SCAND1: variants seen among roughly 807,000 people sequenced by gnomAD.
SCAND1 encodes SCAN domain containing 1, also known as SCAN domain-containing protein 1.
A neutral mutation model predicts 3.4 loss-of-function variants in SCAND1; 3 were observed. The ratio of observed to expected loss-of-function variants is 0.87; its 90% CI spans 0.40 to 2.25. The LOEUF is 2.25. Among genes scored for constraint, SCAND1 ranks in the 30% most tolerant of loss-of-function variants. SCAND1 has a pLI of 0.05. For missense variants in SCAND1, 303 were observed against 258.8 expected (o/e 1.17, Z -1.17); for synonymous variants, 152 against 120.5 (o/e 1.26, Z -1.72).
upstream of SCAND1, among the ~76,000 whole-genome samples, chr20:35,956,867 A>T (rs1288259109): frequency 6.6e-6 from 1 of 152,210 alleles, no homozygotes; most frequent in Non-Finnish European, 1.5e-5. Flanking sequence ...TGCCTGTACA[A>T]AGGCACATAG....
upstream of SCAND1, among the ~76,000 whole-genome samples, chr20:35,957,996 G>A (rs2056272983): frequency 6.6e-6 from 1 of 152,210 alleles, no homozygotes; most frequent in Non-Finnish European, 1.5e-5. Context: ...TGAGAAGGCA[G>A]AGCTCTCATA....
At chr20:35,954,564 A>G (rs1304150605), upstream of SCAND1, 3 of 1,471,028 alleles carry the variant, frequency 2.0e-6, no homozygotes, top group African/African-American at 2.8e-5. Context: ...GGCGCCCTCT[A>G]GCGTTCTCGA....
In SCAND1 at chr20:35,954,159, C is replaced by T; in HGVS notation, c.126G>A (p.Glu42=). 1 of 1,598,600 alleles carries T rather than the reference C, an allele frequency of 6.3e-7. No homozygotes were observed. Residue 42 remains glutamate, a synonymous_variant, in exon 2 of 2, where the codon GAG becomes GAA. Transcript: ENST00000305978. ...AAGGCTCAGGGGCAGGCGGTGAGGC[C>T]TCTGGCAGCGAGGAGCCCACACAGT... ...ERNCVGSSLP[E]ASPPAPEPSS...
At position 35,954,133 on chromosome 20, in the gene SCAND1, G is replaced by C; in HGVS notation, c.152C>G (p.Ser51Cys). 6.4e-7 allele frequency: 1 copy of C among 1,565,878 alleles called. No individual in the cohort carries two copies. Among genetic ancestry groups the C allele is most frequent in the Non-Finnish European group, 8.7e-7 (1 of 1,155,286 alleles). Reference protein sequence around the residue: ...PEASPPAPEPSSPNAAVPEAI... With the variant: ...PEASPPAPEPCSPNAAVPEAI... ...TTCAGGGACCGCGGCGTTGGGACTG[G>C]AAGGCTCAGGGGCAGGCGGTGAGGC... Residue 51 changes from serine to cysteine, a missense_variant, in exon 2 of 2, where the codon TCC (serine) becomes TGC (cysteine). By Grantham distance (112) the Ser-to-Cys change is moderately radical. Transcript: ENST00000305978.
Position 35,954,056 on chromosome 20 carries a change from C to T in SCAND1, c.229G>A (p.Gly77Arg), listed in dbSNP as rs908769197. 1.8e-5 allele frequency: 28 copies of T among 1,539,948 alleles called. No homozygotes were observed. In the African/African-American group the frequency reaches 3.4e-4, roughly 19 times the overall value. Residue 77 changes from glycine to arginine, a missense_variant, in exon 2 of 2, where the codon GGG (glycine) becomes AGG (arginine). By Grantham distance (125) the Gly-to-Arg change is moderately radical. Coordinates refer to ENST00000305978, the MANE Select transcript of SCAND1 (RefSeq NM_033630.3). ...GGCGCTACGCTCACGGGTGCGGGCC[C>T]GAGAGGCAGCTCCAGGGCCGCGGAG... ...AASAALELPL[G>R]PAPVSVAPQA... is the part of the protein sequence containing the mutation.
Position 35,954,456 on chromosome 20 carries a change from G to A in SCAND1, c.-64C>T, listed in dbSNP as rs993059511. On this transcript the variant is annotated 5_prime_UTR_variant, in exon 1 of 2. Coordinates refer to ENST00000305978, the MANE Select transcript of SCAND1 (RefSeq NM_033630.3). Reference sequence around the variant, plus strand: ...GAGTGTGCGGAGCTTACCTGCACCAGCGAAGCGCCTGCGGCAGCCGGAAGC... The same window carrying A: ...GAGTGTGCGGAGCTTACCTGCACCAACGAAGCGCCTGCGGCAGCCGGAAGC... The A allele has an allele frequency of 6.5e-6, 10 of 1,548,736 alleles. No homozygotes were observed. The African/African-American group carries it at 9.6e-5, about 15-fold the overall frequency.
At chr20:35,957,500 C>G (rs778546211), upstream of SCAND1, among the ~76,000 whole-genome samples, 1 of 151,958 alleles carries the variant, frequency 6.6e-6, no homozygotes, top group Non-Finnish European at 1.5e-5. Flanking sequence ...GAAAGATTGG[C>G]AGTATGTACA....
At chr20:35,954,642 G>T (rs527739446), upstream of SCAND1, 41 of 1,293,584 alleles carry the variant, frequency 3.2e-5, no homozygotes, top group African/African-American at 5.6e-4. Flanking sequence ...GGCTCCTTCC[G>T]AATGGTGGCG....
At chr20:35,956,725 T>C (rs6060717), upstream of SCAND1, among the ~76,000 whole-genome samples, 39,614 of 152,084 alleles carry the variant, frequency 0.26, 6,193 homozygotes, top group African/African-American at 0.44. Flanking sequence ...ACTCAGTTTC[T>C]AGGCCTAAGG....
upstream of SCAND1, among the ~76,000 whole-genome samples, chr20:35,956,616 T>G (rs1330112095): frequency 1.3e-5 from 2 of 152,256 alleles, no homozygotes; most frequent in Non-Finnish European, 2.9e-5. Flanking sequence ...GTGTTTGTTA[T>G]GCCTACTGGC....
chr20:35,955,244 T>C (rs911298342), upstream of SCAND1: 3 of 153,976 alleles, frequency 1.9e-5, no homozygotes, highest in African/African-American at 7.2e-5. Context: ...TGCTATATTG[T>C]AAAATACGGG....
upstream of SCAND1, chr20:35,954,601 C>T (rs1238879504): frequency 3.6e-6 from 5 of 1,392,336 alleles, no homozygotes; most frequent in African/African-American, 5.8e-5. Flanking sequence ...GCTGCCCTCG[C>T]GGTGCGGGAG....
At chr20:35,954,885 C>G (rs896003598), upstream of SCAND1, 1 of 276,850 alleles carries the variant, frequency 3.6e-6, no homozygotes, top group Non-Finnish European at 7.6e-6. Flanking sequence ...GGTGGTGACC[C>G]GAACAGGAGA....
rs41293096 is a variant in SCAND1 at position 35,954,429 on chromosome 20, G to T, written c.-56+19C>A. ...GAGGGAGTCGGACTCGGGACCGGCC[G>T]AGAGTGTGCGGAGCTTACCTGCACC... is the stretch of plus-strand genomic sequence containing the variant. On this transcript the variant is annotated intron_variant, in intron 1 of 1. Coordinates refer to ENST00000305978, the MANE Select transcript of SCAND1 (RefSeq NM_033630.3). 1 of 1,550,364 alleles carries T rather than the reference G, an allele frequency of 6.5e-7. No homozygotes were observed. Among genetic ancestry groups the T allele is most frequent in the East Asian group, 2.4e-5 (1 of 40,912 alleles).
chr20:35,957,017 ATTATC>A (rs2056263019), upstream of SCAND1, among the ~76,000 whole-genome samples: 8 of 152,106 alleles, frequency 5.3e-5, no homozygotes, highest in South Asian at 1.7e-3. Context: ...AAATTTAGTT[ATTATC>A]TTCTTGTGAA....
chr20:35,954,322 G>A lies in SCAND1; in HGVS notation c.-38C>T. 1 of 1,612,898 alleles carries A rather than the reference G, an allele frequency of 6.2e-7. No homozygotes were observed. The highest frequency in any genetic ancestry group is 2.2e-5 in the East Asian group (1 of 44,836). On this transcript the variant is annotated 5_prime_UTR_variant, in exon 2 of 2. Coordinates refer to ENST00000305978, the MANE Select transcript of SCAND1 (RefSeq NM_033630.3). ...GGGCGTCACTCTTTGTCCGGTAGCT[G>A]TGTGCTCAGCACTGCGTCTGCGCGG...
chr20:35,953,917 C>G lies in SCAND1; in HGVS notation c.368G>C (p.Arg123Pro). The change falls in exon 2 of 2, where the codon CGG becomes CCG. Residue 123 changes from arginine (R) to proline (P), a missense_variant. Arg to Pro is a moderately radical substitution (Grantham distance 103). Transcript: ENST00000305978. ...CTCCCGCAGCTGCCGGAAAGCCTCC[C>G]GGGGACCCGCCGCATCCTGGTAGCG... ...QFRYQDAAGPREAFRQLRELS... is the reference protein window; with the variant it reads ...QFRYQDAAGPPEAFRQLRELS... 6.5e-7 allele frequency: 1 copy of G among 1,548,906 alleles called. No homozygotes were observed. The highest frequency in any genetic ancestry group is 8.7e-7 in the Non-Finnish European group (1 of 1,149,122).
Position 35,954,440 on chromosome 20 carries a change from G to T in SCAND1, c.-56+8C>A. On this transcript the variant is annotated splice_region_variant and intron_variant, in intron 1 of 1. Transcript: ENST00000305978. ...ACTCGGGACCGGCCGAGAGTGTGCG[G>T]AGCTTACCTGCACCAGCGAAGCGCC... The T allele has an allele frequency of 6.5e-7, 1 of 1,549,736 alleles. No individual in the cohort carries two copies. Among genetic ancestry groups the T allele is most frequent in the Non-Finnish European group, 8.7e-7 (1 of 1,146,916 alleles).
At position 35,954,312 on chromosome 20, in the gene SCAND1, T is replaced by A; in HGVS notation, c.-28A>T. 6.2e-7 allele frequency: 1 copy of A among 1,613,184 alleles called. No individual in the cohort carries two copies. Among genetic ancestry groups the A allele is most frequent in the Non-Finnish European group, 8.5e-7 (1 of 1,179,770 alleles). ...CTCCAGCTCCGGGCGTCACTCTTTGTCCGGTAGCTGTGTGCTCAGCACTGC... is the reference window on the plus strand; with the variant it reads ...CTCCAGCTCCGGGCGTCACTCTTTGACCGGTAGCTGTGTGCTCAGCACTGC... On this transcript the variant is annotated 5_prime_UTR_variant, in exon 2 of 2. Transcript: ENST00000305978.
Sources: gnomAD v4.1 joint callset for allele counts (sites outside exome capture counted in the v4.1 genomes callset) on GRCh38, gnomAD v4.1.1 for gene constraint, MANE v1.5 for transcripts, NCBI Gene and HGNC (gene_info 2026-07-23, HGNC 2026-07-21) for gene names.